The following KPNA5 variants were observed in gnomAD, a reference collection of about 807,000 sequenced individuals.
KPNA5 encodes karyopherin subunit alpha 5, also known as importin subunit alpha-6.
In KPNA5, 46 loss-of-function variants were observed where a neutral mutation model predicts 71.3. The ratio of observed to expected loss-of-function variants is 0.65; its 90% CI spans 0.51 to 0.83. The LOEUF (loss-of-function observed/expected upper bound fraction) is 0.83, where lower values mean the gene tolerates loss of function less well. KPNA5 is among the 40% of genes least tolerant of loss of function. The pLI is 0.00. For missense variants in KPNA5, 547 were observed against 628.3 expected, an observed-to-expected ratio of 0.87 and a Z score of 1.38; for synonymous variants, 207 against 201.4, an observed-to-expected ratio of 1.03 and a Z score of -0.24.
Position 116,730,432 on chromosome 6 carries a change from T to C in KPNA5, c.1432+691T>C, listed in dbSNP as rs142577473. Among the ~76,000 whole-genome samples the C allele has an allele frequency of 1.6e-4, 24 of 152,254 alleles. 1 individual carries two copies. The East Asian group carries it at 4.6e-3, about 29-fold the overall frequency. On this transcript the variant is annotated intron_variant, in intron 13 of 13. Transcript: ENST00000368564. The stretch of plus-strand genomic sequence containing the variant: ...AAGTTTTAGCCATTTGAATGGAAGT[T>C]TAACCATAACCTGTTGTTGACCATT...
chr6:116,689,634 G>A (rs1285796817), intron 2 of KPNA5, among the ~76,000 whole-genome samples, 181 bp downstream of exon 2: 1 of 152,120 alleles, frequency 6.6e-6, no homozygotes, highest in African/African-American at 2.4e-5. Flanking sequence ...TAGTCACTGG[G>A]AGAAATGGAT....
In KPNA5 at chr6:116,683,425, G is replaced by A. The variant is rs375711176; in HGVS notation, c.4+2087G>A. Among the ~76,000 whole-genome samples the A allele has an allele frequency of 2.1e-3, 319 of 152,072 alleles. 1 individual carries two copies. Among genetic ancestry groups the A allele is most frequent in the South Asian group, 0.017 (81 of 4,816 alleles). ...CTTAAATATTTTATATATATTGAGCGTAATTCAACAACTAATACTGTGGTC... is the reference window on the plus strand; with the variant it reads ...CTTAAATATTTTATATATATTGAGCATAATTCAACAACTAATACTGTGGTC... On this transcript the variant is annotated intron_variant, in intron 1 of 13. Coordinates refer to ENST00000368564, the MANE Select transcript of KPNA5 (RefSeq NM_001366306.2).
At chr6:116,692,443 G>C in intron 4 of KPNA5, 51 bp downstream of exon 4, 1 of 1,138,608 alleles carries the variant, frequency 8.8e-7, no homozygotes, top group Non-Finnish European at 1.3e-6. Flanking sequence ...TTTTTTAGTA[G>C]AGGTTTATTT....
At position 116,725,852 on chromosome 6, in the gene KPNA5, T is replaced by C; in HGVS notation, c.1101T>C (p.Thr367=). The change falls in exon 11 of 14, where the codon ACT becomes ACC. Residue 367 remains threonine, a synonymous_variant. Coordinates refer to ENST00000368564, the MANE Select transcript of KPNA5 (RefSeq NM_001366306.2). ...CCTGCTGGACTGTTTCTAACATCAC[T>C]GCTGGAAATAGAGCTCAGATTCAGG... ...KEACWTVSNI[T]AGNRAQIQAV... is the part of the protein sequence containing the mutation. 6.2e-7 allele frequency: 1 copy of C among 1,613,268 alleles called. No homozygotes were observed. Among genetic ancestry groups the C allele is most frequent in the Non-Finnish European group, 8.5e-7 (1 of 1,179,536 alleles).
At chr6:116,687,154 A>G (rs181860628) in intron 1 of KPNA5, among the ~76,000 whole-genome samples, 1 of 152,320 alleles carries the variant, frequency 6.6e-6, no homozygotes, top group Admixed American at 6.5e-5. Flanking sequence ...GATTCTTCCT[A>G]TCCACAAGCA....
At chr6:116,695,346 A>AT (rs1777984801) in intron 4 of KPNA5, among the ~76,000 whole-genome samples, 1 of 152,118 alleles carries the variant, frequency 6.6e-6, no homozygotes, top group Admixed American at 6.6e-5. Context: ...ATAGTACATA[A>AT]TTGCCTATTT....
At chr6:116,711,386 C>G (rs1433960531) in intron 7 of KPNA5, among the ~76,000 whole-genome samples, 12 of 150,836 alleles carry the variant, frequency 8.0e-5, no homozygotes, top group Admixed American at 7.9e-4. Context: ...GTTTTGTTTA[C>G]TCTAATTTTT....
intron 7 of KPNA5, among the ~76,000 whole-genome samples, chr6:116,708,776 GTTGA>G (rs1186674891): frequency 6.6e-6 from 1 of 151,950 alleles, no homozygotes; most frequent in Non-Finnish European, 1.5e-5. Context: ...ATTTTTGTGT[GTTGA>G]TTATTTATTT....
intron 10 of KPNA5, among the ~76,000 whole-genome samples, chr6:116,725,249 C>T (rs1354298057): frequency 1.3e-5 from 2 of 152,042 alleles, no homozygotes; most frequent in Non-Finnish European, 2.9e-5. Flanking sequence ...ATTAATCTTG[C>T]AATGGAATAA....
intron 6 of KPNA5, 31 bp from the exon 7 acceptor site, chr6:116,705,041 T>C (rs767199526): frequency 2.7e-5 from 40 of 1,507,698 alleles, no homozygotes; most frequent in Non-Finnish European, 3.2e-5. Context: ...ATTTAAAATA[T>C]TGTCTTAAGA....
At chr6:116,715,046 A>C (rs1778831289) in intron 7 of KPNA5, among the ~76,000 whole-genome samples, 1 of 152,104 alleles carries the variant, frequency 6.6e-6, no homozygotes, top group Non-Finnish European at 1.5e-5. Flanking sequence ...AGTTGCCATA[A>C]ACTTTTGACT....
Position 116,734,601 on chromosome 6 carries a change from A to T in KPNA5, c.*2278A>T, listed in dbSNP as rs13590. ...CTTGGCTTGGCTTGGCTTATTGTTA[A>T]GAGTTTATTGGATCAAGACTAACAA... On this transcript the variant is annotated 3_prime_UTR_variant, in exon 14 of 14. Transcript: ENST00000368564. 0.27 allele frequency: 40,622 copies of T among 151,124 alleles called. 6,289 individuals carry two copies. The highest frequency in any genetic ancestry group is 0.43 in the African/African-American group (17,627 of 41,288). 9.4% of individuals were successfully genotyped at this position (151,124 alleles called of 1,614,324 possible). A position where few individuals can be genotyped will look rare whatever the true frequency, so the allele number is the denominator to read the frequency against.
chr6:116,684,845 A>G (rs1583396724), intron 1 of KPNA5, among the ~76,000 whole-genome samples: 1 of 152,242 alleles, frequency 6.6e-6, no homozygotes, highest in South Asian at 2.1e-4. Flanking sequence ...TAGAATGGCT[A>G]TGACTAGCAA....
chr6:116,692,619 C>T (rs1386989212), intron 4 of KPNA5, among the ~76,000 whole-genome samples: 1 of 151,820 alleles, frequency 6.6e-6, no homozygotes, highest in Non-Finnish European at 1.5e-5. Flanking sequence ...GTTAAAGAGG[C>T]AAATATAAAA....
Position 116,726,555 on chromosome 6 carries a change from C to T in KPNA5, c.1186C>T (p.Arg396Cys), listed in dbSNP as rs1016200852. 3.7e-6 allele frequency: 6 copies of T among 1,611,910 alleles called. No homozygotes were observed. The highest frequency in any genetic ancestry group is 1.3e-5 in the African/African-American group (1 of 74,786). The change falls in exon 12 of 14, where the codon CGT (arginine) becomes TGT (cysteine). Residue 396 changes from arginine (R) to cysteine (C), a missense_variant. Transcript: ENST00000368564. ...LIEILQKAEF[R>C]TRKEAAWAIT... Reference sequence around the variant, plus strand: ...TGAGATTCTTCAGAAAGCAGAGTTTCGTACCAGAAAAGAAGCAGCTTGGGC... The same window carrying T: ...TGAGATTCTTCAGAAAGCAGAGTTTTGTACCAGAAAAGAAGCAGCTTGGGC...
chr6:116,711,632 C>T (rs945473878), intron 7 of KPNA5, among the ~76,000 whole-genome samples: 1 of 151,238 alleles, frequency 6.6e-6, no homozygotes, highest in Non-Finnish European at 1.5e-5. Flanking sequence ...AGTTTTCTGT[C>T]TGTATTTTTA....
intron 7 of KPNA5, among the ~76,000 whole-genome samples, chr6:116,710,893 A>ATTTTTT (rs67301038): frequency 5.8e-5 from 5 of 86,766 alleles, no homozygotes; most frequent in East Asian, 3.6e-4. Flanking sequence ...ATATATATAT[A>ATTTTTT]TTTTTTTTTT....
Position 116,732,483 on chromosome 6 carries a change from A to G in KPNA5, c.*160A>G, listed in dbSNP as rs1465649296. ...AAACAAAAATTTCCATTCAGATGCA[A>G]CCTTTCATTGTAGTTTGTTGTTGTT... On this transcript the variant is annotated 3_prime_UTR_variant, in exon 14 of 14. Transcript: ENST00000368564. 2.4e-5 allele frequency: 8 copies of G among 340,294 alleles called. No homozygotes were observed. Among genetic ancestry groups the G allele is most frequent in the Non-Finnish European group, 3.7e-5 (7 of 186,726 alleles). 21.1% of individuals were successfully genotyped at this position (340,294 alleles called of 1,614,324 possible).
At position 116,713,011 on chromosome 6, in the gene KPNA5, A is replaced by G. The variant is rs528934399; in HGVS notation, c.657-3208A>G. On this transcript the variant is annotated intron_variant, in intron 7 of 13. Coordinates refer to ENST00000368564, the MANE Select transcript of KPNA5 (RefSeq NM_001366306.2). The stretch of plus-strand genomic sequence containing the variant: ...TTAAGTTGTTATTGCCACAAATTGC[A>G]TTATTATACATTGTGTGCCCATTAC... Among the ~76,000 whole-genome samples, 16 of 152,178 alleles carry G rather than the reference A, an allele frequency of 1.1e-4. 1 individual carries two copies. The highest frequency in any genetic ancestry group is 1.0e-3 in the Admixed American group (16 of 15,278).
Sources: allele counts gnomAD v4.1 joint callset (sites outside exome capture counted in the v4.1 genomes callset), GRCh38; gene constraint gnomAD v4.1.1; transcripts MANE v1.5; gene names NCBI Gene and HGNC (gene_info 2026-07-23, HGNC 2026-07-21).